ANTXR1: variants seen among roughly 807,000 people sequenced by gnomAD.
ANTXR1 encodes ANTXR cell adhesion molecule 1, also known as anthrax toxin receptor 1.
A neutral mutation model predicts 78.1 loss-of-function variants in ANTXR1; 19 were observed. That is an observed-to-expected ratio of 0.24 (90% CI 0.17 to 0.36). The LOEUF is 0.36. ANTXR1 is among the 10% of genes least tolerant of loss of function. ANTXR1 has a pLI of 1.00. For missense variants in ANTXR1, 518 were observed against 718.6 expected, an observed-to-expected ratio of 0.72 and a Z score of 3.19; for synonymous variants, 273 against 260.5, an observed-to-expected ratio of 1.05 and a Z score of -0.46.
chr2:69,166,037 G>A (rs1339457709), intron 13 of ANTXR1, among the ~76,000 whole-genome samples: 1 of 152,174 alleles, frequency 6.6e-6, no homozygotes, highest in Non-Finnish European at 1.5e-5. Flanking sequence ...GCATGAAACA[G>A]GCCCTGAGAA....
chr2:69,245,410 T>G lies in ANTXR1; in HGVS notation c.1620T>G (p.Leu540=). 7.5e-7 allele frequency: 1 copy of G among 1,325,168 alleles called. No homozygotes were observed. Among genetic ancestry groups the G allele is most frequent in the Non-Finnish European group, 1.0e-6 (1 of 999,050 alleles). 82.1% of individuals were successfully genotyped at this position (1,325,168 alleles called of 1,614,324 possible). The change falls in exon 18 of 18, where the codon CTT becomes CTG. Residue 540 remains leucine (L), a synonymous_variant. Transcript: ENST00000303714. ...CCATCCCGTCCCCACCTTCCACCCT[T>G]CCCCCTCCTCCCCAGGCTCCACCTC... is the stretch of plus-strand genomic sequence containing the variant. ...TPPIPSPPST[L]PPPPQAPPPN... is the part of the protein sequence containing the mutation.
chr2:69,140,186 G>A (rs1369808957), intron 12 of ANTXR1, among the ~76,000 whole-genome samples: 2 of 152,212 alleles, frequency 1.3e-5, no homozygotes, highest in Non-Finnish European at 2.9e-5. Flanking sequence ...TCTGTGATAA[G>A]AGCCTCAAAG....
chr2:69,209,747 C>G (rs1211147829), intron 17 of ANTXR1, among the ~76,000 whole-genome samples: 1 of 152,238 alleles, frequency 6.6e-6, no homozygotes, highest in Admixed American at 6.5e-5. Flanking sequence ...GTTGGAGGAA[C>G]TCAGAGGCCA....
intron 12 of ANTXR1, chr2:69,145,967 C>T: frequency 1.4e-5 from 14 of 985,466 alleles, no homozygotes; most frequent in Non-Finnish European, 1.7e-5. Context: ...AGTGCCTTCT[C>T]GTCTTAAAAG....
chr2:69,144,471 C>A (rs1012300205), intron 12 of ANTXR1, among the ~76,000 whole-genome samples: 3 of 152,204 alleles, frequency 2.0e-5, no homozygotes, highest in African/African-American at 7.2e-5. Context: ...TTCATAGGCA[C>A]CCTCACTCTG....
rs369186244 is a variant in ANTXR1 at position 69,166,437 on chromosome 2, A to T, written c.1048-3811A>T. On this transcript the variant is annotated intron_variant, in intron 13 of 17. Coordinates refer to ENST00000303714, the MANE Select transcript of ANTXR1 (RefSeq NM_032208.3). ...CCATCTCATTTTTCCCGTCCCCTTTACCTCACCAGCCCATCTCTTAGTGCA... is the reference window on the plus strand; with the variant it reads ...CCATCTCATTTTTCCCGTCCCCTTTTCCTCACCAGCCCATCTCTTAGTGCA... 7.9e-5 allele frequency among the ~76,000 whole-genome samples: 12 copies of T among 152,122 alleles called. No homozygotes were observed. In the East Asian group the frequency reaches 1.9e-3, roughly 24 times the overall value.
intron 1 of ANTXR1, among the ~76,000 whole-genome samples, chr2:69,035,233 G>A (rs1222142385): frequency 6.6e-6 from 1 of 152,140 alleles, no homozygotes; most frequent in Admixed American, 6.5e-5. Context: ...GGGTGGTGGT[G>A]AGGCAGGGGA....
At chr2:69,058,377 C>G (rs967624206) in intron 3 of ANTXR1, among the ~76,000 whole-genome samples, 4 of 152,116 alleles carry the variant, frequency 2.6e-5, no homozygotes, top group African/African-American at 9.7e-5. Context: ...AGCTAATGAT[C>G]ATTTACCATT....
chr2:69,190,047 G>A (rs972373525), intron 16 of ANTXR1, among the ~76,000 whole-genome samples: 1 of 152,190 alleles, frequency 6.6e-6, no homozygotes, highest in Non-Finnish European at 1.5e-5. Flanking sequence ...TCAGCTGAGA[G>A]ATGAGAATAG....
chr2:69,180,987 T>C (rs2104461567), intron 14 of ANTXR1, among the ~76,000 whole-genome samples: 1 of 152,112 alleles, frequency 6.6e-6, no homozygotes, highest in South Asian at 2.1e-4. Context: ...CCAGAGTATT[T>C]GAGAGAGGGC....
chr2:69,201,779 G>A (rs536159682), intron 17 of ANTXR1, among the ~76,000 whole-genome samples: 2 of 152,302 alleles, frequency 1.3e-5, no homozygotes, highest in East Asian at 3.9e-4. Context: ...TCACCAGGAT[G>A]AGGACAGCTT....
chr2:69,061,683 T>C (rs1670249596), intron 3 of ANTXR1, among the ~76,000 whole-genome samples: 1 of 152,170 alleles, frequency 6.6e-6, no homozygotes, highest in Non-Finnish European at 1.5e-5. Flanking sequence ...TTCAAGAAGC[T>C]GTGTCATATA....
chr2:69,139,484 G>C (rs76309369), intron 12 of ANTXR1, among the ~76,000 whole-genome samples: 3,361 of 152,306 alleles, frequency 0.022, 126 homozygotes, highest in African/African-American at 0.076. Flanking sequence ...TGTTGAGCAT[G>C]CATTAGAAAC....
intron 16 of ANTXR1, among the ~76,000 whole-genome samples, chr2:69,186,665 A>G (rs1674424830): frequency 6.6e-6 from 1 of 152,252 alleles, no homozygotes; most frequent in African/African-American, 2.4e-5. Context: ...TAGCCCTGCA[A>G]AGAGACTACT....
At chr2:69,225,857 C>T (rs1213334137) in intron 17 of ANTXR1, among the ~76,000 whole-genome samples, 1 of 152,176 alleles carries the variant, frequency 6.6e-6, no homozygotes, top group Non-Finnish European at 1.5e-5. Flanking sequence ...TGACAAAGTC[C>T]CTGCCTTCAA....
At chr2:69,218,210 T>C (rs1478972773) in intron 17 of ANTXR1, among the ~76,000 whole-genome samples, 4 of 152,170 alleles carry the variant, frequency 2.6e-5, no homozygotes, top group African/African-American at 9.7e-5. Context: ...CCTTTGTAGA[T>C]TAAAATTAAG....
chr2:69,183,958 C>T (rs1349601307), intron 16 of ANTXR1, among the ~76,000 whole-genome samples: 1 of 152,050 alleles, frequency 6.6e-6, no homozygotes, highest in African/African-American at 2.4e-5. Context: ...CTCAGGGCTA[C>T]AGACTCCAGT....
intron 1 of ANTXR1, among the ~76,000 whole-genome samples, chr2:69,022,162 A>G (rs1292510369): frequency 6.6e-6 from 1 of 152,174 alleles, no homozygotes; most frequent in Non-Finnish European, 1.5e-5. Flanking sequence ...CCCATGGAAC[A>G]CAGACCACTG....
rs1001724078 is a variant in ANTXR1 at position 69,083,125 on chromosome 2, G to A, written c.642+5637G>A. ...AATGTAATCCCCTAATCTGGCCCAG[G>A]CCCTAACAAAGCTGTGATAAAAGGT... On this transcript the variant is annotated intron_variant, in intron 8 of 17. Transcript: ENST00000303714. Among the ~76,000 whole-genome samples, 14 of 152,236 alleles carry A rather than the reference G, an allele frequency of 9.2e-5. No homozygotes were observed. The East Asian group carries it at 2.3e-3, about 25-fold the overall frequency.
Sources: allele counts gnomAD v4.1 joint callset (sites outside exome capture counted in the v4.1 genomes callset), GRCh38; gene constraint gnomAD v4.1.1; transcripts MANE v1.5; gene names NCBI Gene and HGNC (gene_info 2026-07-23, HGNC 2026-07-21).